The following GALNT7 variants were observed in gnomAD, a reference collection of about 807,000 sequenced individuals.
The protein encoded by GALNT7 is polypeptide N-acetylgalactosaminyltransferase 7.
A neutral mutation model predicts 82.1 loss-of-function variants in GALNT7; 60 were observed. The ratio of observed to expected loss-of-function variants is 0.73; its 90% CI spans 0.59 to 0.91. The LOEUF is 0.91. GALNT7 is among the 40% of genes least tolerant of loss of function. GALNT7 has a pLI of 0.00. For missense variants in GALNT7, 660 were observed against 804.2 expected, an observed-to-expected ratio of 0.82 and a Z score of 2.17; for synonymous variants, 243 against 275.1, an observed-to-expected ratio of 0.88 and a Z score of 1.15.
intron 2 of GALNT7, among the ~76,000 whole-genome samples, chr4:173,258,991 A>G (rs1437209829): frequency 6.6e-6 from 1 of 152,160 alleles, no homozygotes; most frequent in Non-Finnish European, 1.5e-5. Flanking sequence ...TGTCCTGTAC[A>G]TTGTAGGATG....
At chr4:173,313,272 T>C (rs779002582) in intron 8 of GALNT7, among the ~76,000 whole-genome samples, 29 of 151,912 alleles carry the variant, frequency 1.9e-4, no homozygotes, top group Middle Eastern at 3.4e-3. Context: ...ACGATTCTAA[T>C]AGAAAGAGAT....
At chr4:173,175,223 A>C (rs1731999016) in intron 1 of GALNT7, among the ~76,000 whole-genome samples, 1 of 152,242 alleles carries the variant, frequency 6.6e-6, no homozygotes, top group African/African-American at 2.4e-5. Context: ...AACTAAATTA[A>C]AGATTTCAGT....
chr4:173,307,794 A>T (rs1473405595), intron 8 of GALNT7, among the ~76,000 whole-genome samples: 1 of 152,216 alleles, frequency 6.6e-6, no homozygotes, highest in African/African-American at 2.4e-5. Flanking sequence ...CTAGCAGAAC[A>T]ACTGTGGCTT....
intron 8 of GALNT7, among the ~76,000 whole-genome samples, chr4:173,308,201 A>C (rs1187860732): frequency 6.6e-6 from 1 of 152,158 alleles, no homozygotes; most frequent in Non-Finnish European, 1.5e-5. Flanking sequence ...GTTTGTGAAT[A>C]GGTGTCTGTA....
In GALNT7 at chr4:173,292,085, A is replaced by G. The variant is rs781697932; in HGVS notation, c.588-23A>G. ...CAGTATAGATTACCTGTAAATAAAT[A>G]TGATGAAATTTTCTCTTTACAGATG... On this transcript the variant is annotated intron_variant, in intron 2 of 11. Coordinates refer to ENST00000265000, the MANE Select transcript of GALNT7 (RefSeq NM_017423.3). This position sits in a 1 kb window ranked among gnomAD's most constrained non-coding sequence, Gnocchi z 4.8. 3 of 1,555,828 alleles carry G rather than the reference A, an allele frequency of 1.9e-6. No homozygotes were observed. The highest frequency in any genetic ancestry group is 1.8e-6 in the Non-Finnish European group (2 of 1,131,858).
In GALNT7 at chr4:173,273,170, T is replaced by C. The variant is rs182170536; in HGVS notation, c.588-18938T>C. Among the ~76,000 whole-genome samples, 81 of 152,326 alleles carry C rather than the reference T, an allele frequency of 5.3e-4. 1 individual carries two copies. Among genetic ancestry groups the C allele is most frequent in the African/African-American group, 1.5e-3 (63 of 41,562 alleles). ...TATGGTTGATGTCATTTCCTCATTG[T>C]AATTAGAGTACATCGAGAAGGCATA... On this transcript the variant is annotated intron_variant, in intron 2 of 11. Transcript: ENST00000265000.
chr4:173,249,617 C>T (rs1734781538), intron 2 of GALNT7, among the ~76,000 whole-genome samples: 2 of 152,078 alleles, frequency 1.3e-5, no homozygotes, highest in Non-Finnish European at 2.9e-5. Context: ...ATAGCATTGC[C>T]AGATTTAGCA....
chr4:173,215,334 G>A (rs1348386719), intron 1 of GALNT7, among the ~76,000 whole-genome samples: 2 of 151,364 alleles, frequency 1.3e-5, no homozygotes, highest in Non-Finnish European at 2.9e-5. Context: ...GGATTCAAGC[G>A]ATTCTCCTGC....
chr4:173,300,034 C>A (rs1421946040), intron 6 of GALNT7, among the ~76,000 whole-genome samples: 2 of 152,170 alleles, frequency 1.3e-5, no homozygotes, highest in East Asian at 1.9e-4. Flanking sequence ...GAAAATATTT[C>A]TTGATTCATT....
chr4:173,308,027 A>G (rs540175146), intron 8 of GALNT7, among the ~76,000 whole-genome samples: 127 of 152,332 alleles, frequency 8.3e-4, no homozygotes, highest in African/African-American at 3.0e-3. Flanking sequence ...GGCCGATACC[A>G]ATAGCATCTG....
intron 1 of GALNT7, among the ~76,000 whole-genome samples, chr4:173,178,272 C>G (rs995009040): frequency 2.0e-5 from 3 of 151,758 alleles, no homozygotes; most frequent in Non-Finnish European, 4.4e-5. Flanking sequence ...GTTTTTAGTA[C>G]ATTAATTTGA....
chr4:173,209,928 T>A (rs1733220191), intron 1 of GALNT7, among the ~76,000 whole-genome samples: 1 of 151,412 alleles, frequency 6.6e-6, no homozygotes, highest in Non-Finnish European at 1.5e-5. Context: ...AGGTCAGGAG[T>A]TCCAGACCAG....
Position 173,320,711 on chromosome 4 carries a change from G to A in GALNT7, c.1837-869G>A, listed in dbSNP as rs903024669. Among the ~76,000 whole-genome samples, 7 of 152,130 alleles carry A rather than the reference G, an allele frequency of 4.6e-5. No homozygotes were observed. Among genetic ancestry groups the A allele is most frequent in the African/African-American group, 1.4e-4 (6 of 41,428 alleles). On this transcript the variant is annotated intron_variant, in intron 11 of 11. Coordinates refer to ENST00000265000, the MANE Select transcript of GALNT7 (RefSeq NM_017423.3). This position sits in a 1 kb window ranked among gnomAD's most constrained non-coding sequence, Gnocchi z 4.1. ...TAGTTTCTTAAAAGTTATTTCCAGT[G>A]TAGACTGATATCCTTGAGCATTGTA... is the stretch of plus-strand genomic sequence containing the variant.
intron 3 of GALNT7, among the ~76,000 whole-genome samples, chr4:173,293,078 C>A (rs1041475781): frequency 6.6e-6 from 1 of 152,072 alleles, no homozygotes; most frequent in Non-Finnish European, 1.5e-5. Context: ...GAACAAAAAT[C>A]TAAATGTATA....
intron 8 of GALNT7, 43 bp from the exon 9 acceptor site, chr4:173,313,915 G>T (rs760549179): frequency 2.2e-6 from 2 of 917,924 alleles, no homozygotes; most frequent in South Asian, 2.0e-5. Context: ...TATGACATTT[G>T]TATTTTTATA....
At chr4:173,251,931 CCA>C (rs1289479553) in intron 2 of GALNT7, among the ~76,000 whole-genome samples, 1 of 151,960 alleles carries the variant, frequency 6.6e-6, no homozygotes, top group Non-Finnish European at 1.5e-5. Flanking sequence ...TAAACTGAAT[CCA>C]AATTATTTTT....
chr4:173,198,172 G>T (rs552586761), intron 1 of GALNT7, among the ~76,000 whole-genome samples: 1 of 150,556 alleles, frequency 6.6e-6, no homozygotes, highest in African/African-American at 2.4e-5. Flanking sequence ...CCATTCTCCC[G>T]CCTCAGCCTC....
intron 1 of GALNT7, among the ~76,000 whole-genome samples, chr4:173,182,946 A>ACACACACACT (rs1431648690): frequency 6.7e-6 from 1 of 149,852 alleles, no homozygotes; most frequent in African/African-American, 2.5e-5. Flanking sequence ...ACACACACAC[A>ACACACACACT]CTCTGCTTTT....
At chr4:173,294,203 C>T (rs1736637052) in intron 3 of GALNT7, among the ~76,000 whole-genome samples, 1 of 151,456 alleles carries the variant, frequency 6.6e-6, no homozygotes. Flanking sequence ...AAAAATCCTC[C>T]TAATGGAATT....
Sources: gnomAD v4.1 joint callset for allele counts (sites outside exome capture counted in the v4.1 genomes callset) on GRCh38, gnomAD v4.1.1 for gene constraint, Gnocchi (gnomAD v3.1) non-coding constraint, MANE v1.5 for transcripts, NCBI Gene and HGNC (gene_info 2026-07-23, HGNC 2026-07-21) for gene names.